Variants in LSAMP observed in about 807,000 individuals in gnomAD.
The protein encoded by LSAMP is limbic system-associated membrane protein.
A neutral mutation model predicts 38.6 loss-of-function variants in LSAMP; 7 were observed. That is an observed-to-expected ratio of 0.18 (90% CI 0.10 to 0.34). The LOEUF is 0.34. Ranked by LOEUF, LSAMP falls within the 10% of genes least tolerant of loss-of-function variation. LSAMP has a pLI of 1.00. For missense variants in LSAMP, 313 were observed against 420.0 expected, an observed-to-expected ratio of 0.75 and a Z score of 2.23; for synonymous variants, 154 against 166.8, an observed-to-expected ratio of 0.92 and a Z score of 0.59.
intron 1 of LSAMP, among the ~76,000 whole-genome samples, chr3:116,113,420 A>ATATATATATATATATTTTTTTTTT (rs1553705042): frequency 2.0e-5 from 1 of 51,044 alleles, no homozygotes; most frequent in African/African-American, 9.6e-5. Context: ...ATATATATAT[A>ATATATATATATATATTTTTTTTTT]TTTTTTTTTT....
intron 1 of LSAMP, among the ~76,000 whole-genome samples, chr3:116,334,865 A>G (rs1192448464): frequency 2.0e-5 from 3 of 152,218 alleles, no homozygotes; most frequent in African/African-American, 4.8e-5. Flanking sequence ...TATTCAACAT[A>G]GTACTGGAAG....
chr3:116,058,569 C>T (rs1941533903), intron 2 of LSAMP, among the ~76,000 whole-genome samples: 1 of 152,024 alleles, frequency 6.6e-6, no homozygotes, highest in African/African-American at 2.4e-5. Flanking sequence ...AAAGTTTCTA[C>T]TAGAAATATA....
intron 2 of LSAMP, among the ~76,000 whole-genome samples, chr3:116,083,740 G>A (rs974433410): frequency 6.6e-6 from 1 of 152,196 alleles, no homozygotes; most frequent in African/African-American, 2.4e-5. Context: ...GGAGATGTCA[G>A]CCATTCCTAG....
chr3:116,292,433 T>G (rs1360049195), intron 1 of LSAMP, among the ~76,000 whole-genome samples: 1 of 152,202 alleles, frequency 6.6e-6, no homozygotes, highest in Non-Finnish European at 1.5e-5. Flanking sequence ...GTGCTGCCTA[T>G]ATCAGAGGGT....
chr3:116,017,623 T>C (rs189691202), intron 3 of LSAMP, among the ~76,000 whole-genome samples: 43 of 152,250 alleles, frequency 2.8e-4, no homozygotes, highest in African/African-American at 1.0e-3. Flanking sequence ...AGATGGTCCA[T>C]AAATTTGGCT....
chr3:115,842,735 G>A (rs1017815285), intron 4 of LSAMP, among the ~76,000 whole-genome samples, 157 bp from the exon 5 acceptor site: 4 of 152,108 alleles, frequency 2.6e-5, no homozygotes, highest in Non-Finnish European at 5.9e-5. Context: ...GCTCAATGGG[G>A]TTGATCACCA....
At chr3:115,916,460 C>T (rs771419621) in intron 3 of LSAMP, among the ~76,000 whole-genome samples, 8 of 152,134 alleles carry the variant, frequency 5.3e-5, no homozygotes, top group Non-Finnish European at 1.5e-5. Context: ...CTGTATAGCT[C>T]AGATCAAGAG....
intron 1 of LSAMP, among the ~76,000 whole-genome samples, chr3:116,121,346 A>C (rs1708871008): frequency 6.6e-6 from 1 of 152,208 alleles, no homozygotes; most frequent in African/African-American, 2.4e-5. Context: ...ACAGGGCCTG[A>C]AAATGTGTTT....
chr3:116,357,082 C>T (rs1405393023), intron 1 of LSAMP, among the ~76,000 whole-genome samples: 1 of 152,138 alleles, frequency 6.6e-6, no homozygotes, highest in Non-Finnish European at 1.5e-5. Flanking sequence ...CGTGAGCCAT[C>T]GCGCCCGGCT....
chr3:115,880,216 C>T (rs997632562), intron 3 of LSAMP, among the ~76,000 whole-genome samples: 9 of 152,046 alleles, frequency 5.9e-5, no homozygotes, highest in Non-Finnish European at 1.3e-4. Context: ...TTAGGCTAGA[C>T]TAATAAAACT....
Position 116,263,494 on chromosome 3 carries a change from C to T in LSAMP, c.156-176938G>A, listed in dbSNP as rs149169616. Among the ~76,000 whole-genome samples the T allele has an allele frequency of 2.8e-3, 427 of 150,888 alleles. 1 individual carries two copies. Among genetic ancestry groups the T allele is most frequent in the African/African-American group, 9.6e-3 (393 of 40,916 alleles). On this transcript the variant is annotated intron_variant, in intron 1 of 6. Transcript: ENST00000490035. ...CAGAGGTTGCAGCCAGCCAAGATCG[C>T]GCCACTGCACTCCAGCCTGAGTGAC...
intron 1 of LSAMP, among the ~76,000 whole-genome samples, chr3:116,139,908 A>G (rs561201438): frequency 6.6e-6 from 1 of 152,154 alleles, no homozygotes; most frequent in South Asian, 2.1e-4. Context: ...TGGTTCTTGT[A>G]GAATTTATGG....
At chr3:116,373,735 T>C (rs1322611661) in intron 1 of LSAMP, among the ~76,000 whole-genome samples, 1 of 151,866 alleles carries the variant, frequency 6.6e-6, no homozygotes, top group Admixed American at 6.6e-5. Flanking sequence ...ATATATGGAA[T>C]TGGAACTGAA....
Position 115,810,334 on chromosome 3 carries a change from G to C in LSAMP, c.1000C>G (p.Leu334Val), listed in dbSNP as rs768781580. ...TTATTCTATTAACATTTGCTGAGAA[G>C]GCAGAGCAGAGATGCTGCCAGCAGC... Reference protein sequence around the residue: ...LWLLAASLLCLLSKC With the variant: ...LWLLAASLLCVLSKC Residue 334 changes from leucine to valine, a missense_variant, in exon 7 of 7, where the codon CTT becomes GTT. Physicochemically the swap from Leu to Val is conservative, Grantham distance 32. Transcript: ENST00000490035. 1 of 1,612,032 alleles carries C rather than the reference G, an allele frequency of 6.2e-7. No homozygotes were observed.
intron 1 of LSAMP, among the ~76,000 whole-genome samples, chr3:116,177,501 A>G (rs1710376742): frequency 6.6e-6 from 1 of 152,168 alleles, no homozygotes; most frequent in South Asian, 2.1e-4. Flanking sequence ...TTCACAATGT[A>G]GCCACAGATG....
At chr3:116,066,901 G>GC (rs1336041625) in intron 2 of LSAMP, among the ~76,000 whole-genome samples, 2 of 151,858 alleles carry the variant, frequency 1.3e-5, no homozygotes, top group Non-Finnish European at 2.9e-5. Flanking sequence ...CAATGTGCCT[G>GC]CCCCCATTTT....
At chr3:115,978,566 G>A (rs1939259010) in intron 3 of LSAMP, among the ~76,000 whole-genome samples, 2 of 151,882 alleles carry the variant, frequency 1.3e-5, no homozygotes, top group African/African-American at 2.4e-5. Flanking sequence ...GAGAAAACAA[G>A]CTCAGAAATG....
chr3:115,818,330 A>T (rs1293749431), intron 6 of LSAMP, among the ~76,000 whole-genome samples: 3 of 152,124 alleles, frequency 2.0e-5, no homozygotes, highest in Admixed American at 6.5e-5. Flanking sequence ...CTCTTTCCTA[A>T]AAGAGGCCTC....
intron 3 of LSAMP, among the ~76,000 whole-genome samples, chr3:115,940,305 C>T (rs866104643): frequency 1.0e-3 from 10 of 9,924 alleles, no homozygotes; most frequent in East Asian, 5.6e-3. Flanking sequence ...TATTTGGCCC[C>T]GCCCACGTCC....
Sources: allele counts gnomAD v4.1 joint callset (sites outside exome capture counted in the v4.1 genomes callset), GRCh38; gene constraint gnomAD v4.1.1; transcripts MANE v1.5; gene names NCBI Gene and HGNC (gene_info 2026-07-23, HGNC 2026-07-21).